Variants in LAMA2 observed in about 807,000 individuals in gnomAD.
LAMA2 encodes laminin subunit alpha 2.
LAMA2 carries 269 observed loss-of-function variants against 364.8 expected under a neutral mutation model. The ratio of observed to expected loss-of-function variants is 0.74; its 90% CI spans 0.67 to 0.82. The LOEUF is 0.82. LAMA2 is among the 40% of genes least tolerant of loss of function. The probability of loss-of-function intolerance (pLI) is 0.00; values close to 1 mark genes in which losing one functional copy is unlikely to be tolerated. For synonymous variants in LAMA2, 1,379 were observed against 1,370.6 expected (o/e 1.01, Z -0.14); for missense variants, 3,807 against 3,873.2 (o/e 0.98, Z 0.45).
At chr6:129,173,206 G>A (rs991102476) in intron 9 of LAMA2, among the ~76,000 whole-genome samples, 4 of 152,140 alleles carry the variant, frequency 2.6e-5, no homozygotes, top group Non-Finnish European at 4.4e-5. Context: ...CCCCGATTCA[G>A]TTTTTTAGTG....
intron 1 of LAMA2, among the ~76,000 whole-genome samples, chr6:128,927,910 G>A (rs1462312333): frequency 2.6e-5 from 4 of 150,946 alleles, no homozygotes; most frequent in Non-Finnish European, 4.5e-5. Flanking sequence ...TTTAAAAAAA[G>A]TAATCAGCAC....
chr6:128,950,905 C>T (rs1483914516), intron 1 of LAMA2, among the ~76,000 whole-genome samples: 1 of 152,074 alleles, frequency 6.6e-6, no homozygotes, highest in Non-Finnish European at 1.5e-5. Flanking sequence ...ACTGAATCAA[C>T]ATTAACTATT....
chr6:128,913,998 A>G (rs1031801598), intron 1 of LAMA2, among the ~76,000 whole-genome samples: 6 of 152,166 alleles, frequency 3.9e-5, no homozygotes, highest in African/African-American at 1.4e-4. Context: ...GAAAAATAAA[A>G]AGGATTGTAG....
intron 45 of LAMA2, among the ~76,000 whole-genome samples, chr6:129,447,081 T>C (rs1437014514): frequency 6.6e-6 from 1 of 152,228 alleles, no homozygotes; most frequent in Non-Finnish European, 1.5e-5. Flanking sequence ...TGAAGTTTTA[T>C]GTAAGATTTA....
At chr6:129,130,818 A>G (rs1362135059) in intron 4 of LAMA2, among the ~76,000 whole-genome samples, 2 of 152,198 alleles carry the variant, frequency 1.3e-5, no homozygotes, top group African/African-American at 2.4e-5. Context: ...AACTATCTCT[A>G]TAAAGAGATT....
chr6:128,888,491 C>T (rs147256520), intron 1 of LAMA2, among the ~76,000 whole-genome samples: 152 of 152,210 alleles, frequency 1.0e-3, no homozygotes, highest in Middle Eastern at 3.4e-3. Flanking sequence ...ACAAATACAA[C>T]GGGGTAAGGA....
At chr6:129,178,914 A>C (rs1308197444) in intron 10 of LAMA2, among the ~76,000 whole-genome samples, 2 of 152,188 alleles carry the variant, frequency 1.3e-5, no homozygotes, top group Non-Finnish European at 2.9e-5. Context: ...TATATGTTAC[A>C]TCAGGGGCAA....
rs1017277213 is a variant in LAMA2, at chr6:129,491,936, A to G, written c.7934A>G (p.Tyr2645Cys). ...GTTCAAGTGGATGAAAACAGAAGAT[A>G]CATGCAAAACCTGACAGTTGAACAG... ...FTVQVDENRR[Y>C]MQNLTVEQPI... Residue 2645 changes from tyrosine (Y) to cysteine (C), a missense_variant, in exon 57 of 65, where the codon TAC (tyrosine) becomes TGC (cysteine). Physicochemically the swap from Tyr to Cys is radical, Grantham distance 194. Coordinates refer to ENST00000421865, the MANE Select transcript of LAMA2 (RefSeq NM_000426.4). 3.2e-5 allele frequency: 52 copies of G among 1,613,638 alleles called. No individual in the cohort carries two copies. Among genetic ancestry groups the G allele is most frequent in the Non-Finnish European group, 4.2e-5 (49 of 1,179,658 alleles).
At chr6:129,223,252 A>G (rs1233365803) in intron 12 of LAMA2, among the ~76,000 whole-genome samples, 1 of 152,178 alleles carries the variant, frequency 6.6e-6, no homozygotes, top group East Asian at 1.9e-4. Context: ...GCCCTTTGTC[A>G]GATGAGTAGA....
intron 21 of LAMA2, among the ~76,000 whole-genome samples, chr6:129,299,615 A>G (rs1236489299): frequency 6.6e-6 from 1 of 152,152 alleles, no homozygotes; most frequent in Non-Finnish European, 1.5e-5. Context: ...TTTAAACATA[A>G]TGGTAACTAT....
chr6:129,252,085 G>A lies in LAMA2; in HGVS notation c.1886G>A (p.Gly629Asp). ...RVLQLMIILE[G>D]NDLSISTAQD... ...TATTTCTTTTTTTTCCCCCTTTAGG[G>A]TAATGACTTGAGCATCAGCACAGCC... The change falls in exon 14 of 65, where the codon GGT (glycine) becomes GAT (aspartate). Residue 629 changes from glycine to aspartate, a missense_variant and splice_region_variant. This residue lies in a region of LAMA2 where 3,333 missense variants were observed against 3,345.7 expected (regional missense o/e 1.00). Coordinates refer to ENST00000421865, the MANE Select transcript of LAMA2 (RefSeq NM_000426.4). 3 of 1,608,150 alleles carry A rather than the reference G, an allele frequency of 1.9e-6. No individual in the cohort carries two copies. The highest frequency in any genetic ancestry group is 2.6e-6 in the Non-Finnish European group (3 of 1,175,488).
At chr6:129,275,831 A>G (rs1788284513) in intron 17 of LAMA2, among the ~76,000 whole-genome samples, 1 of 152,040 alleles carries the variant, frequency 6.6e-6, no homozygotes, top group Admixed American at 6.6e-5. Flanking sequence ...GGTTTATCAA[A>G]TCAATCATAT....
Position 128,909,719 on chromosome 6 carries a change from T to G in LAMA2, c.112+26362T>G, listed in dbSNP as rs551959882. Among the ~76,000 whole-genome samples the G allele has an allele frequency of 4.4e-3, 674 of 152,132 alleles. 6 individuals are homozygous for G. Among genetic ancestry groups the G allele is most frequent in the African/African-American group, 0.015 (628 of 41,470 alleles). ...TATTTTGCTCGTTAGTTGATGCAGT[T>G]TCTTCCTAGTCTCGATGGTCTTTAC... On this transcript the variant is annotated intron_variant, in intron 1 of 64. Transcript: ENST00000421865.
intron 12 of LAMA2, among the ~76,000 whole-genome samples, chr6:129,219,361 A>G (rs1583276093): frequency 6.6e-6 from 1 of 151,810 alleles, no homozygotes; most frequent in Admixed American, 6.6e-5. Flanking sequence ...AAATAGGAAC[A>G]CTTTTACACT....
At chr6:129,285,180 G>C (rs972383191) in intron 18 of LAMA2, among the ~76,000 whole-genome samples, 1 of 152,026 alleles carries the variant, frequency 6.6e-6, no homozygotes, top group Non-Finnish European at 1.5e-5. Context: ...TATATTCTCT[G>C]ACCCTCAAAT....
intron 29 of LAMA2, 149 bp from the exon 30 acceptor site, chr6:129,342,194 T>C: frequency 1.5e-6 from 1 of 657,610 alleles, no homozygotes; most frequent in Non-Finnish European, 2.7e-6. Flanking sequence ...CTGAGTTCTC[T>C]GTCAGTGATA....
At chr6:129,013,450 T>G (rs760033870) in intron 1 of LAMA2, among the ~76,000 whole-genome samples, 2 of 149,204 alleles carry the variant, frequency 1.3e-5, no homozygotes, top group Admixed American at 1.3e-4. Flanking sequence ...AAAAAAAAAA[T>G]TTTTTTTGAA....
At position 128,884,005 on chromosome 6, in the gene LAMA2, A is replaced by G. The variant is rs150676897; in HGVS notation, c.112+648A>G. On this transcript the variant is annotated intron_variant, in intron 1 of 64. Coordinates refer to ENST00000421865, the MANE Select transcript of LAMA2 (RefSeq NM_000426.4). ...TATTTTATTGTAGTGAAATCGTGAAATTTCTCCTTTTGCTTAAATACAGAG... is the reference window on the plus strand; with the variant it reads ...TATTTTATTGTAGTGAAATCGTGAAGTTTCTCCTTTTGCTTAAATACAGAG... Among the ~76,000 whole-genome samples, 1,056 of 152,198 alleles carry G rather than the reference A, an allele frequency of 6.9e-3. 7 individuals are homozygous for G. The highest frequency in any genetic ancestry group is 0.012 in the Admixed American group (179 of 15,288).
intron 2 of LAMA2, among the ~76,000 whole-genome samples, chr6:129,055,327 G>T (rs957420645): frequency 6.6e-6 from 1 of 151,776 alleles, no homozygotes; most frequent in Non-Finnish European, 1.5e-5. Flanking sequence ...GAGTAGCTGG[G>T]ACTACACGCG....
Sources: gnomAD v4.1 joint callset for allele counts (sites outside exome capture counted in the v4.1 genomes callset) on GRCh38, gnomAD v4.1.1 for gene constraint, gnomAD v4.1.1 regional missense constraint, MANE v1.5 for transcripts, NCBI Gene and HGNC (gene_info 2026-07-23, HGNC 2026-07-21) for gene names.